Variants in CSMD3 observed in about 807,000 individuals in gnomAD.
The protein encoded by CSMD3 is CUB and sushi domain-containing protein 3.
In CSMD3, 177 loss-of-function variants were observed where a neutral mutation model predicts 435.2. The observed-to-expected ratio is 0.41, with a 90% CI of 0.36 to 0.46. The LOEUF is 0.46. CSMD3 is among the 20% of genes least tolerant of loss of function. CSMD3 has a pLI of 0.34. For missense variants in CSMD3, 4,265 were observed against 4,504.6 expected (o/e 0.95, Z 1.52); for synonymous variants, 1,656 against 1,520.5 (o/e 1.09, Z -2.07).
chr8:113,323,751 CTAAGCACTGAATGT>C (rs2093964589), intron 1 of CSMD3, among the ~76,000 whole-genome samples: 1 of 152,032 alleles, frequency 6.6e-6, no homozygotes, highest in Admixed American at 6.5e-5. Context: ...AAAGAAAAAC[CTAAGCACTGAATGT>C]TAATTTAATT....
At chr8:113,283,630 G>A (rs1485824858) in intron 2 of CSMD3, among the ~76,000 whole-genome samples, 2 of 152,106 alleles carry the variant, frequency 1.3e-5, no homozygotes, top group Non-Finnish European at 2.9e-5. Context: ...CACTACTGGT[G>A]GGAATGTAAT....
chr8:112,274,624 T>C (rs1817858087), intron 59 of CSMD3, among the ~76,000 whole-genome samples: 2 of 152,108 alleles, frequency 1.3e-5, no homozygotes, highest in South Asian at 2.1e-4. Context: ...GGAGCTGACA[T>C]GGGGCCAGGA....
chr8:113,344,674 A>C (rs946457522), intron 1 of CSMD3, among the ~76,000 whole-genome samples: 3 of 152,152 alleles, frequency 2.0e-5, no homozygotes, highest in African/African-American at 7.2e-5. Context: ...ATGAATACAA[A>C]AATAGGTAAC....
Position 112,406,648 on chromosome 8 carries a change from T to G in CSMD3, c.5685A>C (p.Ala1895=), listed in dbSNP as rs1412617187. ...RFGRRIGNEF[A]VGSSVLFDCN... ...AATCAAAAAGAACCGATGAACCGAC[T>G]GCAAATTCATTGCCAATTCTTCTTC... The change falls in exon 35 of 71, where the codon GCA becomes GCC. Residue 1895 remains alanine (A), a synonymous_variant. Coordinates refer to ENST00000297405, the MANE Select transcript of CSMD3 (RefSeq NM_198123.2). 1 of 1,612,530 alleles carries G rather than the reference T, an allele frequency of 6.2e-7. No individual in the cohort carries two copies. The highest frequency in any genetic ancestry group is 8.5e-7 in the Non-Finnish European group (1 of 1,178,930).
intron 12 of CSMD3, among the ~76,000 whole-genome samples, chr8:112,821,753 G>A (rs181459396): frequency 6.6e-6 from 1 of 152,142 alleles, no homozygotes; most frequent in Admixed American, 6.5e-5. Flanking sequence ...GCATTGTCCT[G>A]GCTTTCTTCT....
At chr8:113,359,451 G>T (rs934762249) in intron 1 of CSMD3, among the ~76,000 whole-genome samples, 2 of 152,196 alleles carry the variant, frequency 1.3e-5, no homozygotes, top group African/African-American at 2.4e-5. Context: ...GTCTGCTGAG[G>T]AAACAGAGCG....
intron 1 of CSMD3, among the ~76,000 whole-genome samples, chr8:113,409,346 G>A (rs1423098638): frequency 1.3e-5 from 2 of 151,956 alleles, no homozygotes; most frequent in African/African-American, 4.8e-5. Flanking sequence ...GCCTCCCAAA[G>A]TGCTGGGATT....
intron 32 of CSMD3, among the ~76,000 whole-genome samples, chr8:112,451,226 T>C (rs1458010243): frequency 1.3e-5 from 2 of 152,276 alleles, no homozygotes; most frequent in East Asian, 3.9e-4. Flanking sequence ...AGGTTAACAG[T>C]AGTTATCTCT....
intron 50 of CSMD3, among the ~76,000 whole-genome samples, chr8:112,308,958 G>A (rs756761897): frequency 3.3e-5 from 5 of 151,926 alleles, no homozygotes; most frequent in Non-Finnish European, 7.4e-5. Context: ...ATTTCAATTA[G>A]TAATGTCCAA....
At chr8:112,349,743 A>T (rs1469676341) in intron 40 of CSMD3, among the ~76,000 whole-genome samples, 1 of 152,162 alleles carries the variant, frequency 6.6e-6, no homozygotes, top group Admixed American at 6.6e-5. Flanking sequence ...CCCTTAAAAA[A>T]ATCATCCAAT....
At chr8:112,600,678 T>A (rs1224804708) in intron 22 of CSMD3, among the ~76,000 whole-genome samples, 4 of 152,100 alleles carry the variant, frequency 2.6e-5, no homozygotes, top group South Asian at 2.1e-4. Flanking sequence ...CTCATGATTT[T>A]TTTTTCTTTT....
At chr8:112,252,344 G>A (rs560825006) in intron 63 of CSMD3, among the ~76,000 whole-genome samples, 5 of 151,842 alleles carry the variant, frequency 3.3e-5, no homozygotes, top group South Asian at 4.1e-4. Flanking sequence ...GCCAATCTGC[G>A]GAGAGAAAAT....
At chr8:112,425,424 T>C (rs1197763884) in intron 32 of CSMD3, among the ~76,000 whole-genome samples, 2 of 152,188 alleles carry the variant, frequency 1.3e-5, no homozygotes, top group Non-Finnish European at 2.9e-5. Context: ...AGGAAGCCTA[T>C]TGTCTTTCTT....
intron 3 of CSMD3, among the ~76,000 whole-genome samples, chr8:113,221,706 T>C (rs530687031): frequency 6.6e-6 from 1 of 151,392 alleles, no homozygotes; most frequent in African/African-American, 2.4e-5. Flanking sequence ...CTTCCTTACA[T>C]ATTTTGCCCC....
At chr8:112,693,444 AAAT>A (rs1388509319) in intron 13 of CSMD3, among the ~76,000 whole-genome samples, 4 of 151,970 alleles carry the variant, frequency 2.6e-5, no homozygotes, top group Non-Finnish European at 4.4e-5. Context: ...TTTTAATTCA[AAAT>A]TATTTGCCCT....
chr8:112,265,547 T>C lies in CSMD3; in HGVS notation c.9552A>G (p.Arg3184=). ...GDPGIPANGL[R]YGDDYVVGQN... is the part of the protein sequence containing the mutation. The stretch of plus-strand genomic sequence containing the variant: ...GTCCAACCACATAATCATCTCCATA[T>C]CTCAGTCCATTGGCTGGTATACCTG... Residue 3184 remains arginine (R), a synonymous_variant, in exon 60 of 71, where the codon AGA becomes AGG. Coordinates refer to ENST00000297405, the MANE Select transcript of CSMD3 (RefSeq NM_198123.2). The C allele has an allele frequency of 6.2e-7, 1 of 1,613,604 alleles. No individual in the cohort carries two copies. Among genetic ancestry groups the C allele is most frequent in the Non-Finnish European group, 8.5e-7 (1 of 1,179,618 alleles).
chr8:113,032,123 T>C (rs1010809749), intron 5 of CSMD3, among the ~76,000 whole-genome samples: 1 of 151,552 alleles, frequency 6.6e-6, no homozygotes, highest in Non-Finnish European at 1.5e-5. Flanking sequence ...CTTTATACAG[T>C]GTGATAACAG....
chr8:112,874,204 T>C (rs1490585330), intron 10 of CSMD3, among the ~76,000 whole-genome samples: 2 of 152,174 alleles, frequency 1.3e-5, no homozygotes, highest in Non-Finnish European at 2.9e-5. Flanking sequence ...TCAGTTTCCA[T>C]GTAGTTGTGC....
At chr8:113,340,560 T>C (rs1013458524) in intron 1 of CSMD3, among the ~76,000 whole-genome samples, 1 of 152,152 alleles carries the variant, frequency 6.6e-6, no homozygotes, top group African/African-American at 2.4e-5. Context: ...CAATTTTCTA[T>C]CTGTTCTATC....
Sources: gnomAD v4.1 joint callset for allele counts (sites outside exome capture counted in the v4.1 genomes callset) on GRCh38, gnomAD v4.1.1 for gene constraint, MANE v1.5 for transcripts, NCBI Gene and HGNC (gene_info 2026-07-23, HGNC 2026-07-21) for gene names.